Variants in ZFPM2 observed in about 807,000 individuals in gnomAD.
ZFPM2 encodes the protein zinc finger protein ZFPM2.
Under a neutral mutation model 98.6 loss-of-function variants are expected in ZFPM2, and 20 were observed. The observed-to-expected ratio is 0.20, with a 90% CI of 0.14 to 0.29. The LOEUF is 0.29. Ranked by LOEUF, ZFPM2 falls within the 10% of genes least tolerant of loss-of-function variation. The pLI is 1.00. For missense variants in ZFPM2, 1,310 were observed against 1,388.6 expected (o/e 0.94, Z 0.90); for synonymous variants, 518 against 502.7 (o/e 1.03, Z -0.41).
chr8:105,334,118 C>CTGAGTG (rs1812283032), intron 1 of ZFPM2, among the ~76,000 whole-genome samples: 1 of 120,402 alleles, frequency 8.3e-6, no homozygotes, highest in African/African-American at 3.5e-5. Flanking sequence ...TAGTAATAAA[C>CTGAGTG]TGTGTGTGTG....
At chr8:105,393,342 C>CTT (rs1388189221) in intron 1 of ZFPM2, among the ~76,000 whole-genome samples, 16 of 58,138 alleles carry the variant, frequency 2.8e-4, no homozygotes, top group Non-Finnish European at 7.3e-5. Flanking sequence ...CTTTGCCTTT[C>CTT]TTTCTTTCTT....
At chr8:105,645,362 T>G (rs1750828376) in intron 5 of ZFPM2, among the ~76,000 whole-genome samples, 1 of 152,248 alleles carries the variant, frequency 6.6e-6, no homozygotes, top group Non-Finnish European at 1.5e-5. Flanking sequence ...ATCTTGCTCT[T>G]TTTATGCGAA....
chr8:105,756,125 C>A (rs1416193136), intron 5 of ZFPM2, among the ~76,000 whole-genome samples: 1 of 152,138 alleles, frequency 6.6e-6, no homozygotes, highest in Non-Finnish European at 1.5e-5. Flanking sequence ...CTCCCTGTAG[C>A]CTTATCTTTC....
At chr8:105,581,783 T>G (rs1815606286) in intron 4 of ZFPM2, among the ~76,000 whole-genome samples, 1 of 152,318 alleles carries the variant, frequency 6.6e-6, no homozygotes, top group African/African-American at 2.4e-5. Context: ...TCTCACCACC[T>G]TGTTTTATCT....
At position 105,629,829 on chromosome 8, in the gene ZFPM2, T is replaced by C. The variant is rs577098034; in HGVS notation, c.421-4417T>C. Among the ~76,000 whole-genome samples the C allele has an allele frequency of 2.1e-4, 32 of 152,300 alleles. No homozygotes were observed. In the South Asian group the frequency reaches 6.4e-3, roughly 31 times the overall value. ...CATCTTTAAAGGTAGCAAAAGCAGA[T>C]GGCATTTTTTTCATGTTGAATCTCT... On this transcript the variant is annotated intron_variant, in intron 4 of 7. Transcript: ENST00000407775.
At chr8:105,326,070 G>A (rs1812109864) in intron 1 of ZFPM2, among the ~76,000 whole-genome samples, 1 of 151,576 alleles carries the variant, frequency 6.6e-6, no homozygotes, top group Non-Finnish European at 1.5e-5. Flanking sequence ...CGGTGAGAGA[G>A]TTTTGCTGTG....
intron 1 of ZFPM2, among the ~76,000 whole-genome samples, chr8:105,370,926 AG>A (rs1289609156): frequency 6.6e-6 from 1 of 152,210 alleles, no homozygotes; most frequent in Admixed American, 6.5e-5. Flanking sequence ...ACACAGCAGC[AG>A]TTGTCCTCAT....
intron 4 of ZFPM2, among the ~76,000 whole-genome samples, chr8:105,586,021 G>C (rs181753917): frequency 0.012 from 1,745 of 151,482 alleles, 32 homozygotes; most frequent in African/African-American, 0.04. Flanking sequence ...GTGTGTGTGT[G>C]TGTGTGTGTG....
intron 3 of ZFPM2, among the ~76,000 whole-genome samples, chr8:105,520,928 C>T (rs1369415077): frequency 3.3e-5 from 5 of 151,984 alleles, no homozygotes; most frequent in Non-Finnish European, 5.9e-5. Flanking sequence ...CATCTGTCTA[C>T]AAGACACTGC....
intron 6 of ZFPM2, among the ~76,000 whole-genome samples, chr8:105,794,001 A>T (rs1347663011): frequency 6.6e-6 from 1 of 152,078 alleles, no homozygotes; most frequent in African/African-American, 2.4e-5. Flanking sequence ...AAAGATTTTA[A>T]CTTCTTTGCC....
At chr8:105,376,484 A>G (rs575614686) in intron 1 of ZFPM2, among the ~76,000 whole-genome samples, 31 of 152,156 alleles carry the variant, frequency 2.0e-4, no homozygotes, top group Non-Finnish European at 3.7e-4. Context: ...CTTCAGACTC[A>G]TATTTCCAAC....
At chr8:105,668,755 T>C (rs1005375333) in intron 5 of ZFPM2, among the ~76,000 whole-genome samples, 54 of 152,228 alleles carry the variant, frequency 3.5e-4, no homozygotes, top group African/African-American at 1.3e-3. Flanking sequence ...TGTTTCATTT[T>C]CTTATTACAG....
chr8:105,684,794 G>A (rs537285060), intron 5 of ZFPM2: 6 of 152,078 alleles, frequency 3.9e-5, no homozygotes, highest in African/African-American at 1.4e-4. Context: ...AAAATCTCTA[G>A]TGCTTAGCAT....
Position 105,418,282 on chromosome 8 carries a change from CA to C in ZFPM2, c.41-859del, listed in dbSNP as rs536221394. 1.6e-4 allele frequency among the ~76,000 whole-genome samples: 25 copies of C among 152,192 alleles called. No individual in the cohort carries two copies. In the South Asian group the frequency reaches 5.2e-3, roughly 32 times the overall value. The stretch of plus-strand genomic sequence containing the variant: ...AAATGCCACATCACTTCTTTAGGAG[CA>C]AATGCAGTTTCTACTTATTAAAATG... On this transcript the variant is annotated intron_variant, in intron 1 of 7. Coordinates refer to ENST00000407775, the MANE Select transcript of ZFPM2 (RefSeq NM_012082.4).
chr8:105,425,970 CT>C (rs1297665205), intron 2 of ZFPM2, among the ~76,000 whole-genome samples: 1 of 152,042 alleles, frequency 6.6e-6, no homozygotes, highest in African/African-American at 2.4e-5. Context: ...TTTATTATTA[CT>C]TTTAGTTCAG....
chr8:105,742,394 A>AT (rs1812238903), intron 5 of ZFPM2, among the ~76,000 whole-genome samples: 1 of 151,408 alleles, frequency 6.6e-6, no homozygotes, highest in Admixed American at 6.6e-5. Flanking sequence ...AAAAAAAAAA[A>AT]AAAAAGGTGT....
Position 105,801,361 on chromosome 8 carries a change from A to C in ZFPM2, c.1279A>C (p.Met427Leu). 4 of 1,613,958 alleles carry C rather than the reference A, an allele frequency of 2.5e-6. No individual in the cohort carries two copies. Among genetic ancestry groups the C allele is most frequent in the Non-Finnish European group, 3.4e-6 (4 of 1,179,876 alleles). ...RSELPQSQKA[M>L]QTKDASSDTE... ...CGAACTTCCCCAGAGCCAAAAGGCCATGCAGACTAAAGATGCGAGCTCTGA... is the reference window on the plus strand; with the variant it reads ...CGAACTTCCCCAGAGCCAAAAGGCCCTGCAGACTAAAGATGCGAGCTCTGA... Residue 427 changes from methionine to leucine, a missense_variant, in exon 8 of 8, where the codon ATG becomes CTG. Met to Leu is a conservative substitution (Grantham distance 15). Coordinates refer to ENST00000407775, the MANE Select transcript of ZFPM2 (RefSeq NM_012082.4).
intron 3 of ZFPM2, among the ~76,000 whole-genome samples, chr8:105,457,125 G>C (rs968110936): frequency 6.6e-6 from 1 of 152,080 alleles, no homozygotes; most frequent in Non-Finnish European, 1.5e-5. Context: ...ATATGTTAGA[G>C]GTATGCTTGC....
At chr8:105,501,584 A>G (rs914897704) in intron 3 of ZFPM2, among the ~76,000 whole-genome samples, 25 of 151,144 alleles carry the variant, frequency 1.7e-4, no homozygotes, top group Admixed American at 1.5e-3. Context: ...GCTTGTTGCA[A>G]CCTCTGCCAC....
Sources: gnomAD v4.1 joint callset for allele counts (sites outside exome capture counted in the v4.1 genomes callset) on GRCh38, gnomAD v4.1.1 for gene constraint, MANE v1.5 for transcripts, NCBI Gene and HGNC (gene_info 2026-07-23, HGNC 2026-07-21) for gene names.